The following PLOD2 variants were observed in gnomAD, a reference collection of about 807,000 sequenced individuals.
PLOD2 encodes lysine hydroxylase 2.
A neutral mutation model predicts 101.0 loss-of-function variants in PLOD2; 65 were observed. The ratio of observed to expected loss-of-function variants is 0.64; its 90% confidence interval spans 0.53 to 0.79. The LOEUF is 0.79. PLOD2 is among the 30% of genes least tolerant of loss of function. PLOD2 has a pLI of 0.00. For synonymous variants in PLOD2, 314 were observed against 302.9 expected (o/e 1.04, Z -0.38); for missense variants, 909 against 914.6 (o/e 0.99, Z 0.08).
At position 146,070,703 on chromosome 3, in the gene PLOD2, G is replaced by A; in HGVS notation, c.*14C>T. ...CATCCAAAATAAATTTCAATTCAAT[G>A]AAAAGTAAATAACTTAGGGATCTAT... On this transcript the variant is annotated 3_prime_UTR_variant, in exon 20 of 20. Transcript: ENST00000282903. The A allele has an allele frequency of 6.4e-7, 1 of 1,567,376 alleles. No homozygotes were observed. Among genetic ancestry groups the A allele is most frequent in the Non-Finnish European group, 8.8e-7 (1 of 1,141,036 alleles).
intron 5 of PLOD2, among the ~76,000 whole-genome samples, chr3:146,104,781 T>G (rs1248122055): frequency 6.6e-6 from 1 of 152,196 alleles, no homozygotes; most frequent in Non-Finnish European, 1.5e-5. Flanking sequence ...CAACATTCCC[T>G]CAACTCCCCA....
intron 1 of PLOD2, among the ~76,000 whole-genome samples, chr3:146,157,405 T>C (rs1441892434): frequency 1.3e-5 from 2 of 152,046 alleles, no homozygotes; most frequent in South Asian, 2.1e-4. Context: ...CAAACAAAAA[T>C]AGCCAGGAGA....
chr3:146,110,362 C>T lies in PLOD2; in HGVS notation c.425G>A (p.Gly142Glu). The change falls in exon 4 of 20, where the codon GGA (glycine) becomes GAA (glutamate). Residue 142 changes from glycine to glutamate, a missense_variant. Coordinates refer to ENST00000282903, the MANE Select transcript of PLOD2 (RefSeq NM_182943.3). ...TAGTCTTTTATCTGGCCACAAAATTCCATCTGCTGCAAAGACCACTTTGTG... is the reference window on the plus strand; with the variant it reads ...TAGTCTTTTATCTGGCCACAAAATTTCATCTGCTGCAAAGACCACTTTGTG... The part of the protein sequence containing the change: ...ANHKVVFAAD[G>E]ILWPDKRLAD... 1 of 1,613,740 alleles carries T rather than the reference C, an allele frequency of 6.2e-7. No individual in the cohort carries two copies. The highest frequency in any genetic ancestry group is 8.5e-7 in the Non-Finnish European group (1 of 1,179,796).
chr3:146,074,246 A>G (rs1484255184), intron 15 of PLOD2, among the ~76,000 whole-genome samples: 2 of 151,502 alleles, frequency 1.3e-5, no homozygotes, highest in Non-Finnish European at 3.0e-5. Context: ...ATCCAAAAAG[A>G]TATCTTCTGA....
chr3:146,142,909 C>T (rs1470459880), intron 1 of PLOD2, among the ~76,000 whole-genome samples: 2 of 152,108 alleles, frequency 1.3e-5, no homozygotes, highest in African/African-American at 2.4e-5. Flanking sequence ...ACTGATCTTA[C>T]AGTCATGTAG....
chr3:146,117,658 C>T (rs1937972768), intron 3 of PLOD2, among the ~76,000 whole-genome samples: 1 of 152,058 alleles, frequency 6.6e-6, no homozygotes, highest in South Asian at 2.1e-4. Flanking sequence ...AGTGGGCACC[C>T]ATGTTTTCAG....
intron 1 of PLOD2, among the ~76,000 whole-genome samples, chr3:146,155,393 T>C (rs891811286): frequency 1.3e-5 from 2 of 152,120 alleles, no homozygotes; most frequent in African/African-American, 4.8e-5. Flanking sequence ...TAACTATTTT[T>C]AACTGCAATC....
At chr3:146,088,227 CACAA>C (rs1032377110) in intron 9 of PLOD2, among the ~76,000 whole-genome samples, 9 of 151,642 alleles carry the variant, frequency 5.9e-5, no homozygotes, top group South Asian at 2.1e-4. Flanking sequence ...TGTCTTAAAT[CACAA>C]ACAATTTAAT....
At chr3:146,153,348 CA>C (rs770854225) in intron 1 of PLOD2, among the ~76,000 whole-genome samples, 7 of 152,068 alleles carry the variant, frequency 4.6e-5, no homozygotes, top group Non-Finnish European at 8.8e-5. Context: ...TTGCTAGAAA[CA>C]GGAAGGAAAG....
chr3:146,073,396 C>G (rs773701806), intron 15 of PLOD2, 44 bp from the exon 16 acceptor site: 2 of 718,994 alleles, frequency 2.8e-6, no homozygotes, highest in Non-Finnish European at 4.7e-6. Flanking sequence ...TTTATAAATA[C>G]TTCACTGAAA....
At chr3:146,095,903 C>T (rs1937136979) in intron 7 of PLOD2, among the ~76,000 whole-genome samples, 4 of 145,230 alleles carry the variant, frequency 2.8e-5, no homozygotes, top group African/African-American at 1.0e-4. Context: ...TCCCCCCTCC[C>T]CCCTCTCCCT....
intron 1 of PLOD2, among the ~76,000 whole-genome samples, chr3:146,148,338 G>GCACGCACACACACACACACACACA (rs1553742438): frequency 1.4e-5 from 2 of 146,448 alleles, no homozygotes; most frequent in Admixed American, 6.8e-5. Context: ...AGGCAGGCAC[G>GCACGCACACACACACACACACACA]CACACACACA....
intron 4 of PLOD2, among the ~76,000 whole-genome samples, chr3:146,106,857 A>G (rs922561349): frequency 6.6e-6 from 1 of 152,212 alleles, no homozygotes; most frequent in Non-Finnish European, 1.5e-5. Context: ...ACCAACTGCA[A>G]AACAGAAAAT....
intron 1 of PLOD2, among the ~76,000 whole-genome samples, chr3:146,159,901 C>T (rs1031587290): frequency 1.3e-5 from 2 of 152,186 alleles, no homozygotes; most frequent in Admixed American, 6.5e-5. Context: ...ATTAGCTGGA[C>T]TGCAAACCAA....
In PLOD2 at chr3:146,085,238, T is replaced by C; in HGVS notation, c.1163A>G (p.Tyr388Cys). 6.2e-7 allele frequency: 1 copy of C among 1,607,362 alleles called. No individual in the cohort carries two copies. Among genetic ancestry groups the C allele is most frequent in the Non-Finnish European group, 8.5e-7 (1 of 1,174,238 alleles). ...AACAACATCTGCATCCACACTAAAGTAATAATCACACTTTTCATCCTGACG... is the reference window on the plus strand; with the variant it reads ...AACAACATCTGCATCCACACTAAAGCAATAATCACACTTTTCATCCTGACG... ...FCRQDEKCDYYFSVDADVVLT... is the reference protein window; with the variant it reads ...FCRQDEKCDYCFSVDADVVLT... The change falls in exon 11 of 20, where the codon TAC (tyrosine) becomes TGC (cysteine). Residue 388 changes from tyrosine (Y) to cysteine (C), a missense_variant. Physicochemically the swap from Tyr to Cys is radical, Grantham distance 194. Transcript: ENST00000282903.
intron 3 of PLOD2, among the ~76,000 whole-genome samples, chr3:146,116,885 G>A (rs1559857722): frequency 6.6e-6 from 1 of 152,004 alleles, no homozygotes; most frequent in Non-Finnish European, 1.5e-5. Context: ...ATTATAAAGA[G>A]CCAGTTTCTA....
intron 1 of PLOD2, among the ~76,000 whole-genome samples, chr3:146,141,568 C>G (rs911186963): frequency 6.6e-6 from 1 of 152,118 alleles, no homozygotes; most frequent in African/African-American, 2.4e-5. Context: ...TACTGACATT[C>G]ACTGTTTATC....
chr3:146,128,321 G>C (rs1226740750), intron 1 of PLOD2, among the ~76,000 whole-genome samples: 8 of 152,010 alleles, frequency 5.3e-5, no homozygotes, highest in Admixed American at 5.3e-4. Context: ...CTGGCACCAT[G>C]AGGTTAAAAA....
intron 1 of PLOD2, among the ~76,000 whole-genome samples, chr3:146,150,969 C>G (rs1418451487): frequency 6.6e-6 from 1 of 152,132 alleles, no homozygotes; most frequent in Non-Finnish European, 1.5e-5. Flanking sequence ...TCTAGTTATT[C>G]TTGGCCTACT....
Sources: allele counts gnomAD v4.1 joint callset (sites outside exome capture counted in the v4.1 genomes callset), GRCh38; gene constraint gnomAD v4.1.1; transcripts MANE v1.5; gene names NCBI Gene and HGNC (gene_info 2026-07-23, HGNC 2026-07-21).